FLG: variants seen among roughly 807,000 people sequenced by gnomAD.
FLG encodes filaggrin.
In FLG, 6 loss-of-function variants were observed where a neutral mutation model predicts 3.8. That is an observed-to-expected ratio of 1.60 (90% CI 0.87 to 3.15). The LOEUF (loss-of-function observed/expected upper bound fraction) is 3.15, where lower values mean the gene tolerates loss of function less well. FLG is among the 30% of genes most tolerant of loss of function. The pLI, the probability that FLG is intolerant of heterozygous loss-of-function variation, is 0.00. For synonymous variants in FLG, 2,551 were observed against 1,931.6 expected (o/e 1.32, Z -8.41); for missense variants, 7,595 against 5,050.9 (o/e 1.50, Z -15.27).
At position 152,304,453 on chromosome 1, in the gene FLG, C is replaced by T; in HGVS notation, c.10433G>A (p.Gly3478Glu). 1 of 1,612,348 alleles carries T rather than the reference C, an allele frequency of 6.2e-7. No individual in the cohort carries two copies. Among genetic ancestry groups the T allele is most frequent in the African/African-American group, 1.3e-5 (1 of 74,818 alleles). Reference protein sequence around the residue: ...TSQGRSDASRGQSGSRSASRQ... With the variant: ...TSQGRSDASREQSGSRSASRQ... ...GCTGGCACTTCTGGATCCTGACTGCCCACGGGAGGCATCAGACCTTCCCTG... is the reference window on the plus strand; with the variant it reads ...GCTGGCACTTCTGGATCCTGACTGCTCACGGGAGGCATCAGACCTTCCCTG... Residue 3478 changes from glycine (G) to glutamate (E), a missense_variant, in exon 3 of 3, where the codon GGG (glycine) becomes GAG (glutamate). By Grantham distance (98) the Gly-to-Glu change is moderately conservative (BLOSUM62 -2). Transcript: ENST00000368799.
Position 152,312,457 on chromosome 1 carries a change from G to A in FLG, c.2429C>T (p.Thr810Ile), listed in dbSNP as rs1416832851. Residue 810 changes from threonine to isoleucine, a missense_variant, in exon 3 of 3, where the codon ACA becomes ATA. Transcript: ENST00000368799. Reference sequence around the variant, plus strand: ...TTGTCTTACTCCAGTGCTGGGCCCTGTCCATCCATGGGAGGACTCAGACTG... The same window carrying A: ...TTGTCTTACTCCAGTGCTGGGCCCTATCCATCCATGGGAGGACTCAGACTG... ...HKQSESSHGW[T>I]GPSTGVRQGS... The A allele has an allele frequency of 6.2e-7, 1 of 1,613,656 alleles. No individual in the cohort carries two copies. The highest frequency in any genetic ancestry group is 8.5e-7 in the Non-Finnish European group (1 of 1,179,902).
chr1:152,309,534 G>A lies in FLG; in HGVS notation c.5352C>T (p.Pro1784=). 4 of 1,613,636 alleles carry A rather than the reference G, an allele frequency of 2.5e-6. No homozygotes were observed. The highest frequency in any genetic ancestry group is 1.1e-5 in the South Asian group (1 of 91,058). Residue 1784 remains proline (P), a synonymous_variant, in exon 3 of 3, where the codon CCC becomes CCT. Coordinates refer to ENST00000368799, the MANE Select transcript of FLG (RefSeq NM_002016.2). ...QSESAHGRTG[P]STGGRQRSRH... ...GGGATCTTTGTCTTCCTCCAGTGCTGGGCCCTGTGCGTCCATGGGCGGACT... is the reference window on the plus strand; with the variant it reads ...GGGATCTTTGTCTTCCTCCAGTGCTAGGCCCTGTGCGTCCATGGGCGGACT...
Position 152,313,709 on chromosome 1 carries a change from C to T in FLG, c.1177G>A (p.Asp393Asn). Residue 393 changes from aspartate (D) to asparagine (N), a missense_variant, in exon 3 of 3, where the codon GAC becomes AAC. Asp to Asn is a conservative substitution (Grantham distance 23). Coordinates refer to ENST00000368799, the MANE Select transcript of FLG (RefSeq NM_002016.2). ...RHGSGHQQSADSSRHSATGRG... is the reference protein window; with the variant it reads ...RHGSGHQQSANSSRHSATGRG... Reference sequence around the variant, plus strand: ...CCAGTGGCTGAGTGTCTGGAGCTGTCTGCTGACTGCTGGTGGCCGGATCCA... The same window carrying T: ...CCAGTGGCTGAGTGTCTGGAGCTGTTTGCTGACTGCTGGTGGCCGGATCCA... The T allele has an allele frequency of 1.2e-6, 2 of 1,614,140 alleles. No individual in the cohort carries two copies. The highest frequency in any genetic ancestry group is 2.2e-5 in the South Asian group (2 of 91,080).
rs764114936 is a variant in FLG at position 152,312,362 on chromosome 1, G to A, written c.2524C>T (p.Arg842Cys). 25 of 1,612,242 alleles carry A rather than the reference G, an allele frequency of 1.6e-5. No homozygotes were observed. The highest frequency in any genetic ancestry group is 2.2e-5 in the East Asian group (1 of 44,736). The change falls in exon 3 of 3, where the codon CGT becomes TGT. Residue 842 changes from arginine to cysteine, a missense_variant. By Grantham distance (180) the Arg-to-Cys change is radical. Coordinates refer to ENST00000368799, the MANE Select transcript of FLG (RefSeq NM_002016.2). ...CTTCTGCTTGACCCCGGGTGTCCAC[G>A]AATGGTGTCCTGACCATCTTGGGAT... is the stretch of plus-strand genomic sequence containing the variant. ...SASQDGQDTIRGHPGSSRRGR... is the reference protein window; with the variant it reads ...SASQDGQDTICGHPGSSRRGR...
rs140424742 is a variant in FLG, at chr1:152,309,503, C to T, written c.5383G>A (p.Glu1795Lys). Residue 1795 changes from glutamate to lysine, a missense_variant, in exon 3 of 3, where the codon GAG becomes AAG. Transcript: ENST00000368799. ...TGCCTGGAGCTGTCTCGTGCCTGCT[C>T]GTGGCGGGATCTTTGTCTTCCTCCA... ...STGGRQRSRH[E>K]QARDSSRHSA... 2.7e-3 allele frequency: 4,372 copies of T among 1,613,812 alleles called. 17 individuals carry two copies. The highest frequency in any genetic ancestry group is 3.3e-3 in the Non-Finnish European group (3,920 of 1,179,964).
chr1:152,317,553 A>G (rs552404291), intron 1 of FLG, among the ~76,000 whole-genome samples: 15 of 151,396 alleles, frequency 9.9e-5, no homozygotes, highest in Admixed American at 3.9e-4. Context: ...TTCTCCTCCA[A>G]CCTCAATGGC....
Position 152,312,307 on chromosome 1 carries a change from G to C in FLG, c.2579C>G (p.Ser860Trp), listed in dbSNP as rs201661720. The change falls in exon 3 of 3, where the codon TCG becomes TGG. Residue 860 changes from serine to tryptophan, a missense_variant. By Grantham distance (177) the Ser-to-Trp change is radical. Coordinates refer to ENST00000368799, the MANE Select transcript of FLG (RefSeq NM_002016.2). Reference sequence around the variant, plus strand: ...CCCTGAGTGTCCAGACCTATCTACCGATTGCTCGTGGTGGGACCCCTGCCT... The same window carrying C: ...CCCTGAGTGTCCAGACCTATCTACCCATTGCTCGTGGTGGGACCCCTGCCT... ...RGRQGSHHEQ[S>W]VDRSGHSGSH... 154 of 1,613,436 alleles carry C rather than the reference G, an allele frequency of 9.5e-5. No individual in the cohort carries two copies. In the East Asian group the frequency reaches 3.2e-3, roughly 33 times the overall value.
rs1557871445 is a variant in FLG at position 152,304,799 on chromosome 1, GC to G, written c.10086del (p.His3364IlefsTer27). The G allele has an allele frequency of 1.9e-6, 3 of 1,613,190 alleles. No individual in the cohort carries two copies. Among genetic ancestry groups the G allele is most frequent in the Non-Finnish European group, 2.5e-6 (3 of 1,179,638 alleles). ...GACTCTTGGTGGCTCTGCTGATGGGGCCCAGCCTGTCCATGGCCTGACACTG... is the reference window on the plus strand; with the variant it reads ...GACTCTTGGTGGCTCTGCTGATGGGGCCAGCCTGTCCATGGCCTGACACTG... Reference protein sequence around the residue: ...TQSVSGHGQAGPHQQSHQESA... With the variant: ...TQSVSGHGQAXPHQQSHQESA... On this transcript the variant is annotated frameshift_variant, in exon 3 of 3. Coordinates refer to ENST00000368799, the MANE Select transcript of FLG (RefSeq NM_002016.2). LOFTEE classifies it low-confidence loss of function (END_TRUNC).
chr1:152,304,207 G>A lies in FLG; in HGVS notation c.10679C>T (p.Ser3560Phe). 8 of 1,611,864 alleles carry A rather than the reference G, an allele frequency of 5.0e-6. No homozygotes were observed. The African/African-American group carries it at 1.1e-4, about 22-fold the overall frequency. Residue 3560 changes from serine to phenylalanine, a missense_variant, in exon 3 of 3, where the codon TCC becomes TTC. Coordinates refer to ENST00000368799, the MANE Select transcript of FLG (RefSeq NM_002016.2). ...CTGAGCAGATCCACGATGGTTTCTG[G>A]AAGCAGACCCAGACCACCTCTCAGA... The part of the protein sequence containing the change: ...EDSERWSGSA[S>F]RNHRGSAQEQ...
Position 152,313,179 on chromosome 1 carries a change from T to C in FLG, c.1707A>G (p.Arg569=), listed in dbSNP as rs750230527. 2.5e-6 allele frequency: 4 copies of C among 1,613,870 alleles called. 1 individual carries two copies. In the South Asian group the frequency reaches 4.4e-5, roughly 18 times the overall value. The change falls in exon 3 of 3, where the codon AGA becomes AGG. Residue 569 remains arginine (R), a synonymous_variant. Transcript: ENST00000368799. ...CTGATTGTTCCTCATTTCGTGTTTG[T>C]CTGCTTGCACTTCTGGATCCTGACT... ...HGQSGSRSAS[R]QTRNEEQSGD... is the part of the protein sequence containing the mutation.
At position 152,303,164 on chromosome 1, in the gene FLG, C is replaced by T. The variant is rs3814300; in HGVS notation, c.11722G>A (p.Asp3908Asn). The change falls in exon 3 of 3, where the codon GAT (aspartate) becomes AAT (asparagine). Residue 3908 changes from aspartate (D) to asparagine (N), a missense_variant. Coordinates refer to ENST00000368799, the MANE Select transcript of FLG (RefSeq NM_002016.2). The part of the protein sequence containing the change: ...GSRHPGSSHR[D>N]TASHVQSSPV... ...GAAGACTGTACATGACTGGCTGTATCGCGGTGAGAGGATCCGGGGTGTCTG... is the reference window on the plus strand; with the variant it reads ...GAAGACTGTACATGACTGGCTGTATTGCGGTGAGAGGATCCGGGGTGTCTG... 1.1e-3 allele frequency: 1,773 copies of T among 1,614,122 alleles called. 32 individuals are homozygous for T. In the East Asian group the frequency reaches 0.031, roughly 28 times the overall value.
At position 152,307,538 on chromosome 1, in the gene FLG, A is replaced by T. The variant is rs1207307112; in HGVS notation, c.7348T>A (p.Ser2450Thr). The T allele has an allele frequency of 6.2e-7, 1 of 1,613,360 alleles. No homozygotes were observed. The highest frequency in any genetic ancestry group is 8.5e-7 in the Non-Finnish European group (1 of 1,179,894). The change falls in exon 3 of 3, where the codon TCC (serine) becomes ACC (threonine). Residue 2450 changes from serine (S) to threonine (T), a missense_variant. Physicochemically the swap from Ser to Thr is moderately conservative, Grantham distance 58 (BLOSUM62 1). Transcript: ENST00000368799. ...CCCTCTTGGGACGTTGAGTGCCTGG[A>T]GCTGTCTCGTGCCTGCTTGTGGTGG... Reference protein sequence around the residue: ...GSHHKQARDSSRHSTSQEGQD... With the variant: ...GSHHKQARDSTRHSTSQEGQD...
chr1:152,311,416 G>C lies in FLG; in HGVS notation c.3470C>G (p.Ala1157Gly). ...AATGGTGTCCTGACCCTCTTGGGAC[G>C]CTGAGTGCCTGGAGCTGTCTCGTGC... ...EQARDSSRHSASQEGQDTIRA... is the reference protein window; with the variant it reads ...EQARDSSRHSGSQEGQDTIRA... The change falls in exon 3 of 3, where the codon GCG becomes GGG. Residue 1157 changes from alanine (A) to glycine (G), a missense_variant. Coordinates refer to ENST00000368799, the MANE Select transcript of FLG (RefSeq NM_002016.2). 1 of 1,613,424 alleles carries C rather than the reference G, an allele frequency of 6.2e-7. No homozygotes were observed. Among genetic ancestry groups the C allele is most frequent in the Middle Eastern group, 1.7e-4 (1 of 6,054 alleles).
In FLG at chr1:152,310,688, C is replaced by A; in HGVS notation, c.4198G>T (p.Gly1400Ter). Residue 1400 changes from glycine to a stop codon, truncating the protein, a stop_gained, in exon 3 of 3, where the codon GGA becomes TGA. Transcript: ENST00000368799. LOFTEE classifies it low-confidence loss of function (END_TRUNC). Reference sequence around the variant, plus strand: ...TGTGTGTCTGAGTCTTCTGAATGTCCCTCACTGTTAGTGACCTGACTACCA... The same window carrying A: ...TGTGTGTCTGAGTCTTCTGAATGTCACTCACTGTTAGTGACCTGACTACCA... ...SSGSQVTNSE[G>*]HSEDSDTQSV... 1.2e-6 allele frequency: 2 copies of A among 1,614,080 alleles called. No individual in the cohort carries two copies. The highest frequency in any genetic ancestry group is 1.7e-6 in the Non-Finnish European group (2 of 1,180,038).
rs1557877318 is a variant in FLG at position 152,310,032 on chromosome 1, A to G, written c.4854T>C (p.His1618=). Residue 1618 remains histidine, a synonymous_variant, in exon 3 of 3, where the codon CAT becomes CAC. Coordinates refer to ENST00000368799, the MANE Select transcript of FLG (RefSeq NM_002016.2). ...ERRSESASRN[H]YGSAREQSRH... ...TTGACTGCTCCCGAGCAGATCCATA[A>G]TGGTTTCTGGAAGCCGACTCAGACC... The G allele has an allele frequency of 1.2e-6, 2 of 1,613,378 alleles. No homozygotes were observed. The highest frequency in any genetic ancestry group is 2.2e-5 in the East Asian group (1 of 44,784).
In FLG at chr1:152,307,164, C is replaced by G; in HGVS notation, c.7722G>C (p.Gln2574His). Residue 2574 changes from glutamine (Q) to histidine (H), a missense_variant, in exon 3 of 3, where the codon CAG (glutamine) becomes CAC (histidine). Transcript: ENST00000368799. The stretch of plus-strand genomic sequence containing the variant: ...ACCTCTCAGAGTCTTCTGAGTGTCC[C>G]TGACTGTCACTGTCCTGGCTAAAAC... Reference protein sequence around the residue: ...GSSFSQDSDSQGHSEDSERWS... With the variant: ...GSSFSQDSDSHGHSEDSERWS... The G allele has an allele frequency of 6.2e-7, 1 of 1,612,858 alleles. No individual in the cohort carries two copies. Among genetic ancestry groups the G allele is most frequent in the Non-Finnish European group, 8.5e-7 (1 of 1,179,966 alleles).
In FLG at chr1:152,309,275, C is replaced by T. The variant is rs200306924; in HGVS notation, c.5611G>A (p.Glu1871Lys). Residue 1871 changes from glutamate (E) to lysine (K), a missense_variant, in exon 3 of 3, where the codon GAG becomes AAG. Transcript: ENST00000368799. Reference sequence around the variant, plus strand: ...CTGGAGCCGTCTCCTGATTGTTTCTCATTACGTGTTTGTCTGCTGACACTT... The same window carrying T: ...CTGGAGCCGTCTCCTGATTGTTTCTTATTACGTGTTTGTCTGCTGACACTT... ...SRSVSRQTRN[E>K]KQSGDGSRHS... is the part of the protein sequence containing the mutation. The T allele has an allele frequency of 1.6e-5, 26 of 1,613,584 alleles. No homozygotes were observed. The highest frequency in any genetic ancestry group is 2.0e-5 in the Non-Finnish European group (24 of 1,179,932).
Position 152,309,726 on chromosome 1 carries a change from A to T in FLG, c.5160T>A (p.Ser1720Arg). ...ACTCTTCTGAGTGTCCCTCGCTGTCACTGGCCTGGCTACCACTGGACCCTC... is the reference window on the plus strand; with the variant it reads ...ACTCTTCTGAGTGTCCCTCGCTGTCTCTGGCCTGGCTACCACTGGACCCTC... Reference protein sequence around the residue: ...GNRGSSGSQASDSEGHSEESD... With the variant: ...GNRGSSGSQARDSEGHSEESD... The change falls in exon 3 of 3, where the codon AGT (serine) becomes AGA (arginine). Residue 1720 changes from serine (S) to arginine (R), a missense_variant. Ser to Arg is a moderately radical substitution (Grantham distance 110). Coordinates refer to ENST00000368799, the MANE Select transcript of FLG (RefSeq NM_002016.2). 1 of 1,612,988 alleles carries T rather than the reference A, an allele frequency of 6.2e-7. No individual in the cohort carries two copies. Among genetic ancestry groups the T allele is most frequent in the Non-Finnish European group, 8.5e-7 (1 of 1,179,694 alleles).
In FLG at chr1:152,312,506, G is replaced by A; in HGVS notation, c.2380C>T (p.Leu794Phe). The A allele has an allele frequency of 6.2e-7, 1 of 1,613,506 alleles. No individual in the cohort carries two copies. Among genetic ancestry groups the A allele is most frequent in the Non-Finnish European group, 8.5e-7 (1 of 1,179,856 alleles). ...TGTTTATGAGTGCTCACCTGGTAGA[G>A]GAAAGACCCTGAACGTCGAGACCTT... The part of the protein sequence containing the change: ...GERSRRSGSF[L>F]YQVSTHKQSE... Residue 794 changes from leucine to phenylalanine, a missense_variant, in exon 3 of 3, where the codon CTC becomes TTC. Physicochemically the swap from Leu to Phe is conservative, Grantham distance 22. Transcript: ENST00000368799.
Sources: allele counts gnomAD v4.1 joint callset (sites outside exome capture counted in the v4.1 genomes callset), GRCh38; gene constraint gnomAD v4.1.1; transcripts MANE v1.5; gene names NCBI Gene and HGNC (gene_info 2026-07-23, HGNC 2026-07-21).